Variants in CHD2 observed in about 807,000 individuals in gnomAD.
CHD2 encodes the protein ATP-dependent chromatin remodeler CHD2.
In CHD2, 28 loss-of-function variants were observed where a neutral mutation model predicts 243.9. The observed-to-expected ratio is 0.11, with a 90% CI of 0.09 to 0.16. The LOEUF (loss-of-function observed/expected upper bound fraction) is 0.16. Among genes scored for constraint, CHD2 ranks in the 10% least tolerant of loss-of-function variants. CHD2 has a pLI of 1.00. For missense variants in CHD2, 1,386 were observed against 2,209.8 expected (o/e 0.63, Z 7.47); for synonymous variants, 775 against 779.0 (o/e 0.99, Z 0.09).
chr15:92,978,465 A>G, intron 21 of CHD2, 82 bp downstream of exon 21: 1 of 1,429,074 alleles, frequency 7.0e-7, no homozygotes, highest in Non-Finnish European at 9.6e-7. Context: ...TGTTAATAAA[A>G]TGCTTTTTCC....
At chr15:92,969,691 C>G (rs2053814656) in intron 17 of CHD2, among the ~76,000 whole-genome samples, 1 of 152,158 alleles carries the variant, frequency 6.6e-6, no homozygotes. Context: ...TTTGATCTTA[C>G]TGATCTTATG....
chr15:92,959,655 C>A (rs983704938), intron 16 of CHD2, among the ~76,000 whole-genome samples: 1 of 152,130 alleles, frequency 6.6e-6, no homozygotes, highest in African/African-American at 2.4e-5. Context: ...CCATGCTCAA[C>A]TAATTTTTTG....
chr15:93,004,594 T>C, intron 33 of CHD2, 23 bp from the exon 34 acceptor site: 1 of 1,600,340 alleles, frequency 6.2e-7, no homozygotes, highest in Non-Finnish European at 8.5e-7. Flanking sequence ...TGACAATGAC[T>C]CCTTGTAACT....
At chr15:92,905,319 T>G (rs1393830669) in intron 2 of CHD2, among the ~76,000 whole-genome samples, 1 of 152,236 alleles carries the variant, frequency 6.6e-6, no homozygotes, top group Non-Finnish European at 1.5e-5. Context: ...TTGCCTTGTT[T>G]GGAAACCTTT....
At position 92,937,225 on chromosome 15, in the gene CHD2, C is replaced by G. The variant is rs1279069311; in HGVS notation, c.444-293C>G. On this transcript the variant is annotated intron_variant, in intron 5 of 38. Transcript: ENST00000394196. ...ATAACATTTTAAAATTTTGGAAGCA[C>G]TGATCTTGTGCATGTTATGGTTTCA... Among the ~76,000 whole-genome samples, 4 of 152,146 alleles carry G rather than the reference C, an allele frequency of 2.6e-5. No homozygotes were observed. In the East Asian group the frequency reaches 5.8e-4, roughly 22 times the overall value.
intron 5 of CHD2, among the ~76,000 whole-genome samples, chr15:92,930,959 GGT>G: frequency 6.6e-6 from 1 of 152,260 alleles, no homozygotes; most frequent in East Asian, 1.9e-4. Context: ...CTGGCCAGCT[GGT>G]GAGTATTGTG....
At chr15:92,916,196 A>G (rs1168089089) in intron 2 of CHD2, among the ~76,000 whole-genome samples, 2 of 151,826 alleles carry the variant, frequency 1.3e-5, no homozygotes, top group Non-Finnish European at 2.9e-5. Context: ...TCTCCCTAAA[A>G]TGTGTGAAAA....
intron 34 of CHD2, among the ~76,000 whole-genome samples, chr15:93,006,876 T>A (rs1253359427): frequency 6.6e-6 from 1 of 152,280 alleles, no homozygotes; most frequent in Non-Finnish European, 1.5e-5. Context: ...TCTATATTAA[T>A]AATTGTGGCT....
At chr15:92,925,728 G>A (rs1425905788) in intron 3 of CHD2, among the ~76,000 whole-genome samples, 1 of 152,014 alleles carries the variant, frequency 6.6e-6, no homozygotes, top group Non-Finnish European at 1.5e-5. Context: ...CTACCATTTG[G>A]TTATTCCTAA....
intron 12 of CHD2, chr15:92,947,368 GTGAAA>G (rs1253934918): frequency 1.3e-5 from 2 of 152,212 alleles, no homozygotes; most frequent in Admixed American, 6.5e-5. Context: ...TTGCCCTCCT[GTGAAA>G]GGTATCAAGA....
At chr15:93,019,950 G>T (rs906039114) in intron 37 of CHD2, 62 bp from the exon 38 acceptor site, 26 of 1,449,822 alleles carry the variant, frequency 1.8e-5, no homozygotes, top group South Asian at 1.3e-4. Flanking sequence ...AAAAAAAATT[G>T]TAGTGAAAGT....
chr15:92,956,348 G>A (rs1378171136), intron 15 of CHD2, 111 bp from the exon 16 acceptor site: 2 of 760,010 alleles, frequency 2.6e-6, no homozygotes, highest in African/African-American at 1.8e-5. Context: ...AAGAATAAAT[G>A]TGTCAATTTA....
chr15:92,924,274 G>A (rs1168471181), intron 2 of CHD2, 47 bp from the exon 3 acceptor site: 1 of 1,538,042 alleles, frequency 6.5e-7, no homozygotes, highest in Non-Finnish European at 8.9e-7. Flanking sequence ...GCAGATTCAT[G>A]TGTCAGTTCT....
intron 34 of CHD2, among the ~76,000 whole-genome samples, chr15:93,007,891 C>T (rs1049625237): frequency 6.6e-6 from 1 of 152,210 alleles, no homozygotes; most frequent in Non-Finnish European, 1.5e-5. Context: ...TCTCGAATAT[C>T]TTTATACTTC....
chr15:92,917,671 C>G (rs1201688725), intron 2 of CHD2, among the ~76,000 whole-genome samples: 4 of 152,198 alleles, frequency 2.6e-5, no homozygotes, highest in African/African-American at 7.2e-5. Flanking sequence ...GCAATGACAT[C>G]GGTTTAATAA....
At position 92,946,330 on chromosome 15, in the gene CHD2, A is replaced by G. The variant is rs897777558; in HGVS notation, c.1377+114A>G. On this transcript the variant is annotated intron_variant, in intron 12 of 38. Coordinates refer to ENST00000394196, the MANE Select transcript of CHD2 (RefSeq NM_001271.4). ...AATGAAATGATGATTGCCATTTTGA[A>G]GTGAAAGAAGGTGATTTAAATATGA... 2.6e-5 allele frequency: 21 copies of G among 805,982 alleles called. No homozygotes were observed. The Admixed American group carries it at 5.7e-4, about 22-fold the overall frequency. The allele number at this position is 805,982 out of a possible 1,614,324, so 49.9% of individuals were successfully genotyped here.
chr15:92,900,732 C>T lies in CHD2; in HGVS notation c.-164C>T, dbSNP rs2052517212. 2.5e-6 allele frequency: 1 copy of T among 396,776 alleles called. No individual in the cohort carries two copies. The highest frequency in any genetic ancestry group is 4.4e-6 in the Non-Finnish European group (1 of 225,646). 24.6% of individuals were successfully genotyped at this position (396,776 alleles called of 1,614,324 possible). A position where few individuals can be genotyped will look rare whatever the true frequency, so the allele number is the denominator to read the frequency against. On this transcript the variant is annotated 5_prime_UTR_variant, in exon 1 of 39. It adds an upstream start codon to the 5' untranslated region. Transcript: ENST00000394196. ...ATTTTATTTATTTTTCGTTTTTTAA[C>T]GGAGGATTTTGCCTTTATTTTTAAT...
intron 3 of CHD2, 25 bp downstream of exon 3, chr15:92,924,577 A>T (rs1263988707): frequency 6.3e-7 from 1 of 1,584,080 alleles, no homozygotes; most frequent in African/African-American, 1.3e-5. Context: ...CTGCAGTACA[A>T]ATGTGCTGCT....
At position 92,939,704 on chromosome 15, in the gene CHD2, G is replaced by T. The variant is rs775689412; in HGVS notation, c.678G>T (p.Ala226=). ...CCAAAAGGCAGACTCGTCGAAGAGC[G>T]GCTAAAAACGTTAGGTAAGTTGTAC... ...EAPKRQTRRR[A]AKNVSYKEDD... is the part of the protein sequence containing the mutation. Residue 226 remains alanine (A), a synonymous_variant, in exon 7 of 39, where the codon GCG becomes GCT. Transcript: ENST00000394196. 1.7e-5 allele frequency: 28 copies of T among 1,613,402 alleles called. No homozygotes were observed. The highest frequency in any genetic ancestry group is 3.3e-5 in the Admixed American group (2 of 59,914).
Sources: gnomAD v4.1 joint callset for allele counts (sites outside exome capture counted in the v4.1 genomes callset) on GRCh38, gnomAD v4.1.1 for gene constraint, MANE v1.5 for transcripts, NCBI Gene and HGNC (gene_info 2026-07-23, HGNC 2026-07-21) for gene names.